ERI1: variants seen among roughly 807,000 people sequenced by gnomAD.
ERI1 encodes the protein 3'-5' exoribonuclease 1.
ERI1 carries 39 observed loss-of-function variants against 39.7 expected under a neutral mutation model. The observed-to-expected ratio is 0.98, with a 90% CI of 0.76 to 1.28. The LOEUF (loss-of-function observed/expected upper bound fraction) is 1.28, where lower values mean the gene tolerates loss of function less well. Ranked by LOEUF, ERI1 falls within the 50% of genes most tolerant of loss-of-function variation. The probability of loss-of-function intolerance (pLI) is 0.00; values close to 1 mark genes in which losing one functional copy is unlikely to be tolerated. For synonymous variants in ERI1, 204 were observed against 149.6 expected (o/e 1.36, Z -2.65); for missense variants, 581 against 416.9 (o/e 1.39, Z -3.43).
rs150940435 is a variant in ERI1, at chr8:9,093,590, C to T, written n.300-22758C>T. On this transcript the variant is annotated intron_variant and non_coding_transcript_variant, in intron 3 of 3. Coordinates refer to the ERI1 transcript ENST00000518663. ...TAAGACTGTTTATTTATTTTTGAGA[C>T]GGAATCTCACTCTGTCACCCAGGCT... 1.2e-3 allele frequency among the ~76,000 whole-genome samples: 184 copies of T among 151,764 alleles called. 1 individual carries two copies. Among genetic ancestry groups the T allele is most frequent in the African/African-American group, 4.0e-3 (164 of 41,392 alleles).
intron 3 of ERI1, among the ~76,000 whole-genome samples, chr8:9,043,388 A>G (rs1563352404): frequency 6.6e-6 from 1 of 152,184 alleles, no homozygotes; most frequent in Non-Finnish European, 1.5e-5. Context: ...GGACCCCATC[A>G]TTCTGTCTTA....
chr8:9,083,706 C>A (rs953722393), intron 3 of ERI1, among the ~76,000 whole-genome samples: 1 of 151,886 alleles, frequency 6.6e-6, no homozygotes, highest in African/African-American at 2.4e-5. Context: ...GTAATCCCAG[C>A]ACTTTGGGAG....
chr8:9,016,441 A>T lies in ERI1; in HGVS notation c.582+36A>T, dbSNP rs761428491. On this transcript the variant is annotated intron_variant, in intron 4 of 6. Coordinates refer to ENST00000250263, the MANE Select transcript of ERI1 (RefSeq NM_153332.4). ...TAAGTTCTTCTTTCTAGAGTTTGAA[A>T]GAGTTCTTGAAATTAGGGATTTATT... is the stretch of plus-strand genomic sequence containing the variant. The T allele has an allele frequency of 3.3e-5, 44 of 1,351,724 alleles. No homozygotes were observed. In the South Asian group the frequency reaches 5.9e-4, roughly 18 times the overall value. 83.7% of individuals were successfully genotyped at this position (1,351,724 alleles called of 1,614,324 possible). A position where few individuals can be genotyped will look rare whatever the true frequency, so the allele number is the denominator to read the frequency against.
chr8:9,076,352 C>T (rs1799211471), intron 3 of ERI1, among the ~76,000 whole-genome samples: 1 of 152,174 alleles, frequency 6.6e-6, no homozygotes, highest in Admixed American at 6.5e-5. Flanking sequence ...GACTGGCATC[C>T]ATAAAATTCC....
At position 9,030,095 on chromosome 8, in the gene ERI1, C is replaced by G. The variant is rs1207833407; in HGVS notation, c.*61C>G. On this transcript the variant is annotated 3_prime_UTR_variant, in exon 7 of 7. Coordinates refer to ENST00000250263, the MANE Select transcript of ERI1 (RefSeq NM_153332.4). ...TGCTATGAAGAGGTAGCAGATGAAT[C>G]TCATTGAATTAGTCCTGTAGTGCAA... is the stretch of plus-strand genomic sequence containing the variant. 7.5e-6 allele frequency: 12 copies of G among 1,594,720 alleles called. No homozygotes were observed. Among genetic ancestry groups the G allele is most frequent in the African/African-American group, 1.3e-5 (1 of 74,510 alleles).
rs1554520066 is a variant in ERI1 at position 9,028,997 on chromosome 8, T to TA, written c.808-793dup. ...AGTTTTTTTTTTTTTTTTTTTTTTT[T>TA]AACTTATCAAGGAACAGGTTTTTAA... is the stretch of plus-strand genomic sequence containing the variant. On this transcript the variant is annotated intron_variant, in intron 6 of 6. Coordinates refer to ENST00000250263, the MANE Select transcript of ERI1 (RefSeq NM_153332.4). 7.3e-3 allele frequency among the ~76,000 whole-genome samples: 1,016 copies of TA among 139,278 alleles called. 3 individuals are homozygous for TA. The highest frequency in any genetic ancestry group is 0.018 in the African/African-American group (621 of 35,058). The allele number at this position is 139,278 out of a possible 152,430, so 91.4% of individuals were successfully genotyped here.
At chr8:9,084,500 A>G (rs373832709) in intron 3 of ERI1, among the ~76,000 whole-genome samples, 2 of 152,000 alleles carry the variant, frequency 1.3e-5, no homozygotes, top group East Asian at 1.9e-4. Context: ...AAATCCCCAA[A>G]TTTGCATTTT....
intron 3 of ERI1, among the ~76,000 whole-genome samples, chr8:9,092,254 G>A (rs1319697854): frequency 2.0e-5 from 3 of 152,140 alleles, no homozygotes; most frequent in Non-Finnish European, 2.9e-5. Context: ...ACTGTGCCCC[G>A]CCTGTGTATG....
chr8:9,056,225 C>T (rs911044741), intron 3 of ERI1, among the ~76,000 whole-genome samples: 10 of 152,220 alleles, frequency 6.6e-5, no homozygotes, highest in Admixed American at 2.0e-4. Flanking sequence ...ACTGTCTCTG[C>T]GGATTTGGGA....
chr8:9,074,643 AG>A (rs1170252595), intron 3 of ERI1, among the ~76,000 whole-genome samples: 4 of 152,118 alleles, frequency 2.6e-5, no homozygotes, highest in Non-Finnish European at 4.4e-5. Flanking sequence ...TTTGTTGCCC[AG>A]GCTGGTCTCA....
Position 9,007,967 on chromosome 8 carries a change from TAGG to T in ERI1, c.109-1_110del. On this transcript the variant is annotated splice_acceptor_variant and coding_sequence_variant, in exon 2 of 7. Transcript: ENST00000250263. LOFTEE classifies it high-confidence loss of function. ...TTTTTTTTTTTTTTTTTTTTTTTGG[TAGG>T]AAACTCAACAGTGTAAATTTGATGG... 3.0e-6 allele frequency: 3 copies of T among 1,013,372 alleles called. No homozygotes were observed. The highest frequency in any genetic ancestry group is 4.1e-6 in the Non-Finnish European group (3 of 729,628). The allele number at this position is 1,013,372 out of a possible 1,614,324, so 62.8% of individuals were successfully genotyped here. A position where few individuals can be genotyped will look rare whatever the true frequency, so the allele number is the denominator to read the frequency against.
chr8:9,040,527 G>A (rs1338160709), intron 3 of ERI1, among the ~76,000 whole-genome samples: 3 of 151,930 alleles, frequency 2.0e-5, no homozygotes, highest in Non-Finnish European at 1.5e-5. Context: ...TTAGAGGGCT[G>A]TATGAAAGCT....
In ERI1 at chr8:9,018,677, T is replaced by G. The variant is rs77318752; in HGVS notation, c.692+271T>G. ...AACTCTGTTTTTTCATGACACTTCC[T>G]TACTCAAAAAAGTTCAGACTCTTGA... On this transcript the variant is annotated intron_variant, in intron 5 of 6. Transcript: ENST00000250263. 4.8e-3 allele frequency among the ~76,000 whole-genome samples: 727 copies of G among 152,284 alleles called. 7 individuals carry two copies. The highest frequency in any genetic ancestry group is 0.016 in the African/African-American group (672 of 41,544).
chr8:9,065,643 T>G (rs1384131709), intron 3 of ERI1, among the ~76,000 whole-genome samples: 3 of 136,632 alleles, frequency 2.2e-5, no homozygotes, highest in Non-Finnish European at 4.5e-5. Flanking sequence ...TGCAGTGAGC[T>G]GAGATCGCAG....
At chr8:9,041,319 G>C (rs2117346333) in intron 3 of ERI1, among the ~76,000 whole-genome samples, 1 of 152,258 alleles carries the variant, frequency 6.6e-6, no homozygotes, top group East Asian at 1.9e-4. Context: ...TCCCAAGAGA[G>C]AATACAAGGA....
intron 6 of ERI1, among the ~76,000 whole-genome samples, chr8:9,027,655 T>A (rs987013508): frequency 6.6e-6 from 1 of 152,198 alleles, no homozygotes; most frequent in Non-Finnish European, 1.5e-5. Context: ...AATTTTGTTA[T>A]ATGGTGTAAG....
At chr8:9,029,675 C>T (rs931216423) in intron 6 of ERI1, 117 bp from the exon 7 acceptor site, 1 of 1,274,682 alleles carries the variant, frequency 7.8e-7, no homozygotes, top group Non-Finnish European at 1.1e-6. Flanking sequence ...TTGCCCTTTG[C>T]CTAGCTTTAT....
At chr8:9,077,624 G>T (rs1799248000) in intron 3 of ERI1, among the ~76,000 whole-genome samples, 1 of 152,226 alleles carries the variant, frequency 6.6e-6, no homozygotes, top group South Asian at 2.1e-4. Flanking sequence ...TGCAGAGAAA[G>T]TGTCTCAGGC....
At chr8:9,004,414 C>G (rs1434903061) in intron 1 of ERI1, 1 of 456,318 alleles carries the variant, frequency 2.2e-6, no homozygotes, top group Non-Finnish European at 3.1e-6. Flanking sequence ...GCCTAGGTCT[C>G]TGTTCCAAAT....
Sources: allele counts gnomAD v4.1 joint callset (sites outside exome capture counted in the v4.1 genomes callset), GRCh38; gene constraint gnomAD v4.1.1; transcripts MANE v1.5; gene names NCBI Gene and HGNC (gene_info 2026-07-23, HGNC 2026-07-21).